Variants in CORO2B observed in about 807,000 individuals in gnomAD.
CORO2B encodes coronin-2B.
Under a neutral mutation model 58.8 loss-of-function variants are expected in CORO2B, and 26 were observed. The observed-to-expected ratio is 0.44, with a 90% CI of 0.32 to 0.61. The LOEUF (loss-of-function observed/expected upper bound fraction) is 0.61. Ranked by LOEUF, CORO2B falls within the 20% of genes least tolerant of loss-of-function variation. The pLI is 0.04. For synonymous variants in CORO2B, 242 were observed against 253.8 expected, an observed-to-expected ratio of 0.95 and a Z score of 0.44; for missense variants, 460 against 645.1, an observed-to-expected ratio of 0.71 and a Z score of 3.11.
intron 1 of CORO2B, among the ~76,000 whole-genome samples, chr15:68,597,267 G>A (rs1566980850): frequency 1.3e-5 from 2 of 152,176 alleles, no homozygotes; most frequent in Non-Finnish European, 2.9e-5. Context: ...GAGGGGAGAT[G>A]CTGTGGGATT....
chr15:68,688,931 T>C (rs4457947), intron 2 of CORO2B, among the ~76,000 whole-genome samples: 152,271 of 152,276 alleles, frequency 1, 76,133 homozygotes, highest in Non-Finnish European at 1. Context: ...GTCCATGCCC[T>C]CCTCCTGGGG....
chr15:68,565,660 T>C, the CORO2B span, among the ~76,000 whole-genome samples: 3 of 152,348 alleles, frequency 2.0e-5, no homozygotes, highest in African/African-American at 7.2e-5. Flanking sequence ...GTGGACGGGA[T>C]GACCCTCACT....
intron 1 of CORO2B, among the ~76,000 whole-genome samples, chr15:68,602,444 C>CACACACAT (rs1900009077): frequency 6.6e-6 from 1 of 151,638 alleles, no homozygotes; most frequent in Non-Finnish European, 1.5e-5. Flanking sequence ...CACACACACA[C>CACACACAT]ACACACGTTT....
At chr15:68,657,778 C>T (rs1039411505) in intron 2 of CORO2B, among the ~76,000 whole-genome samples, 4 of 152,060 alleles carry the variant, frequency 2.6e-5, no homozygotes, top group Admixed American at 6.6e-5. Context: ...CATTTATACA[C>T]GAAAGAAATG....
At chr15:68,605,842 G>A (rs1483421593) in intron 1 of CORO2B, among the ~76,000 whole-genome samples, 4 of 148,444 alleles carry the variant, frequency 2.7e-5, no homozygotes, top group Admixed American at 6.9e-5. Context: ...CTCCTGCCTT[G>A]GCCTCCTGAG....
At chr15:68,688,518 G>GA (rs920240339) in intron 2 of CORO2B, among the ~76,000 whole-genome samples, 19 of 150,156 alleles carry the variant, frequency 1.3e-4, no homozygotes, top group African/African-American at 2.7e-4. Context: ...TTCAAAATCT[G>GA]AAAAAAAAAT....
At chr15:68,535,474 A>G in the CORO2B span, among the ~76,000 whole-genome samples, 1 of 152,218 alleles carries the variant, frequency 6.6e-6, no homozygotes, top group Non-Finnish European at 1.5e-5. Flanking sequence ...GAGATGAAGT[A>G]TGTCAGGAAC....
intron 3 of CORO2B, among the ~76,000 whole-genome samples, chr15:68,700,546 G>A (rs1318910415): frequency 2.0e-5 from 3 of 152,064 alleles, no homozygotes; most frequent in Non-Finnish European, 4.4e-5. Flanking sequence ...CCTCCATCCC[G>A]CCAGGGATCC....
At chr15:68,706,921 C>G (rs570882298) in intron 3 of CORO2B, among the ~76,000 whole-genome samples, 11 of 152,204 alleles carry the variant, frequency 7.2e-5, no homozygotes, top group African/African-American at 2.6e-4. Flanking sequence ...CTGTGTTGCC[C>G]AGGTTGGTCT....
chr15:68,693,528 TC>T (rs1892436158), intron 2 of CORO2B, among the ~76,000 whole-genome samples: 1 of 152,002 alleles, frequency 6.6e-6, no homozygotes, highest in Admixed American at 6.5e-5. Flanking sequence ...TCCTCCAAAC[TC>T]CCCAAAAAAG....
intron 2 of CORO2B, among the ~76,000 whole-genome samples, chr15:68,657,405 T>C (rs1901843169): frequency 6.6e-6 from 1 of 151,198 alleles, no homozygotes; most frequent in South Asian, 2.1e-4. Flanking sequence ...TAGTCCCAGA[T>C]ACTCGGGAGG....
chr15:68,597,167 G>A, intron 1 of CORO2B, among the ~76,000 whole-genome samples: 1 of 151,948 alleles, frequency 6.6e-6, no homozygotes, highest in Middle Eastern at 3.2e-3. Flanking sequence ...CAGCCTTCTC[G>A]GGTCAAGGAG....
upstream of CORO2B, among the ~76,000 whole-genome samples, chr15:68,575,649 AT>A (rs1180163046): frequency 2.1e-5 from 3 of 142,642 alleles, no homozygotes; most frequent in Non-Finnish European, 3.0e-5. Context: ...ATACACCTTT[AT>A]ACTGGTGTAT....
At position 68,704,044 on chromosome 15, in the gene CORO2B, ACACAC is replaced by A. The variant is rs1567014954; in HGVS notation, c.334-6687_334-6683del. Among the ~76,000 whole-genome samples the A allele has an allele frequency of 5.8e-3, 311 of 54,040 alleles. 1 individual carries two copies. The highest frequency in any genetic ancestry group is 0.013 in the South Asian group (14 of 1,108). The allele number at this position is 54,040 out of a possible 152,430, so 35.5% of individuals were successfully genotyped here. ...ACCCTTTCTCTACACACACATACAC[ACACAC>A]ACACACACACACACACACACACACA... On this transcript the variant is annotated intron_variant, in intron 3 of 11. Transcript: ENST00000261861.
chr15:68,635,520 C>T (rs1017001935), intron 1 of CORO2B, among the ~76,000 whole-genome samples: 1 of 152,166 alleles, frequency 6.6e-6, no homozygotes, highest in Non-Finnish European at 1.5e-5. Context: ...TCTACCACCC[C>T]CAGGGCAGGA....
chr15:68,700,159 A>G (rs1421391725), intron 3 of CORO2B, among the ~76,000 whole-genome samples: 1 of 152,016 alleles, frequency 6.6e-6, no homozygotes, highest in African/African-American at 2.4e-5. Context: ...TCCAGCTGGA[A>G]TGGTCAACTT....
chr15:68,649,346 T>C (rs980140934), intron 2 of CORO2B, among the ~76,000 whole-genome samples: 4 of 152,216 alleles, frequency 2.6e-5, no homozygotes, highest in African/African-American at 9.6e-5. Context: ...TGTTGTTTTC[T>C]CTCATTTCAA....
At chr15:68,691,212 T>C (rs62002155) in intron 2 of CORO2B, among the ~76,000 whole-genome samples, 131,540 of 149,540 alleles carry the variant, frequency 0.88, 59,067 homozygotes, top group East Asian at 1. Context: ...GCCTGTGGTC[T>C]CAGCTACTCG....
chr15:68,562,812 T>C, the CORO2B span, among the ~76,000 whole-genome samples: 1 of 151,202 alleles, frequency 6.6e-6, no homozygotes, highest in Non-Finnish European at 1.5e-5. Flanking sequence ...CCGTCTCTAC[T>C]AAAAAATACA....
Sources: gnomAD v4.1 joint callset for allele counts (sites outside exome capture counted in the v4.1 genomes callset) on GRCh38, gnomAD v4.1.1 for gene constraint, MANE v1.5 for transcripts, NCBI Gene and HGNC (gene_info 2026-07-23, HGNC 2026-07-21) for gene names.